The following MAN1A2 variants were observed in gnomAD, a reference collection of about 807,000 sequenced individuals.
The protein encoded by MAN1A2 is mannosidase alpha class 1A member 2.
MAN1A2 carries 26 observed loss-of-function variants against 75.7 expected under a neutral mutation model. The observed-to-expected ratio is 0.34, with a 90% CI of 0.25 to 0.48. MAN1A2 has a LOEUF of 0.48. Among genes scored for constraint, MAN1A2 ranks in the 20% least tolerant of loss-of-function variants. The probability of loss-of-function intolerance (pLI) is 0.99; values close to 1 mark genes in which losing one functional copy is unlikely to be tolerated. For synonymous variants in MAN1A2, 247 were observed against 264.6 expected (o/e 0.93, Z 0.65); for missense variants, 562 against 775.5 (o/e 0.72, Z 3.27).
chr1:117,429,833 G>T (rs1332621943), intron 5 of MAN1A2, among the ~76,000 whole-genome samples: 40 of 51,852 alleles, frequency 7.7e-4, no homozygotes, highest in African/African-American at 1.3e-3. Flanking sequence ...CCCTCCCGGA[G>T]GGGGCGGCTG....
chr1:117,458,512 G>GATAT (rs1553236631), intron 6 of MAN1A2, among the ~76,000 whole-genome samples: 42 of 105,202 alleles, frequency 4.0e-4, no homozygotes, highest in South Asian at 1.2e-3. Context: ...TATATATATA[G>GATAT]ATATATATAT....
chr1:117,372,812 G>C (rs1381596250), intron 1 of MAN1A2, among the ~76,000 whole-genome samples: 2 of 147,626 alleles, frequency 1.4e-5, no homozygotes, highest in Non-Finnish European at 3.0e-5. Context: ...GGCTTTGTGA[G>C]TTAAAAAAAA....
intron 5 of MAN1A2, among the ~76,000 whole-genome samples, chr1:117,424,162 A>G (rs1198285803): frequency 6.6e-6 from 1 of 152,158 alleles, no homozygotes; most frequent in Non-Finnish European, 1.5e-5. Flanking sequence ...ATTTTTCTGT[A>G]TAGAGAATGG....
At chr1:117,425,370 A>T (rs1299200521) in intron 5 of MAN1A2, among the ~76,000 whole-genome samples, 3 of 152,230 alleles carry the variant, frequency 2.0e-5, no homozygotes, top group Admixed American at 6.5e-5. Flanking sequence ...CATTAATCCT[A>T]TGTGACACAC....
intron 1 of MAN1A2, among the ~76,000 whole-genome samples, chr1:117,390,830 T>C (rs973985739): frequency 2.0e-5 from 3 of 152,140 alleles, no homozygotes; most frequent in East Asian, 3.8e-4. Context: ...AGAAGTACTT[T>C]AGCTTTATCT....
rs1248509481 is a variant in MAN1A2, at chr1:117,517,180, G to A, written c.1794-5645G>A. Among the ~76,000 whole-genome samples the A allele has an allele frequency of 3.3e-5, 5 of 152,224 alleles. No individual in the cohort carries two copies. The East Asian group carries it at 9.7e-4, about 29-fold the overall frequency. ...TGAAAGGATCAGACTGTTTCTAAGT[G>A]ATCTAACTACATCCCTGAACAAAAC... is the stretch of plus-strand genomic sequence containing the variant. On this transcript the variant is annotated intron_variant, in intron 12 of 12. Transcript: ENST00000356554.
chr1:117,511,829 C>A (rs1394139628), intron 12 of MAN1A2, among the ~76,000 whole-genome samples: 2 of 152,080 alleles, frequency 1.3e-5, no homozygotes, highest in Non-Finnish European at 2.9e-5. Flanking sequence ...ACATAATTTT[C>A]TTAAGCATTC....
chr1:117,405,484 G>T (rs1647585091), intron 2 of MAN1A2, 65 bp from the exon 3 acceptor site: 1 of 970,984 alleles, frequency 1.0e-6, no homozygotes, highest in South Asian at 1.3e-5. Flanking sequence ...ACCCAAAATT[G>T]TATGAAATAA....
chr1:117,454,196 A>C (rs978826806), intron 6 of MAN1A2, among the ~76,000 whole-genome samples: 2 of 152,202 alleles, frequency 1.3e-5, no homozygotes, highest in African/African-American at 4.8e-5. Context: ...GGTAGTCTGT[A>C]ACCAGGCCCA....
intron 5 of MAN1A2, 81 bp downstream of exon 5, chr1:117,420,730 A>G (rs917772113): frequency 1.6e-4 from 164 of 1,029,616 alleles, no homozygotes; most frequent in South Asian, 2.8e-4. Context: ...CCCTAGAAGC[A>G]TATTAGTTTT....
Position 117,525,589 on chromosome 1 carries a change from C to A in MAN1A2, c.*2632C>A, listed in dbSNP as rs1051966073. On this transcript the variant is annotated 3_prime_UTR_variant, in exon 13 of 13. Transcript: ENST00000356554. ...CAGGTGCCTCTTCAAAGAGCTGACACCTTACCTTGTGCCTTTGGCACAAAT... is the reference window on the plus strand; with the variant it reads ...CAGGTGCCTCTTCAAAGAGCTGACAACTTACCTTGTGCCTTTGGCACAAAT... The A allele has an allele frequency of 1.3e-5, 2 of 154,534 alleles. No individual in the cohort carries two copies. The highest frequency in any genetic ancestry group is 2.9e-5 in the Non-Finnish European group (2 of 69,428). 9.6% of individuals were successfully genotyped at this position (154,534 alleles called of 1,614,324 possible).
intron 1 of MAN1A2, among the ~76,000 whole-genome samples, chr1:117,374,361 A>G (rs1470749805): frequency 1.3e-5 from 2 of 152,200 alleles, no homozygotes; most frequent in Non-Finnish European, 2.9e-5. Context: ...TCATATTGCT[A>G]CTTTTATTTT....
intron 3 of MAN1A2, 22 bp from the exon 4 acceptor site, chr1:117,414,691 A>T (rs777071066): frequency 1.1e-5 from 14 of 1,287,916 alleles, no homozygotes; most frequent in Middle Eastern, 1.9e-4. Context: ...TTTAATGATA[A>T]TTTTTTTCTT....
intron 6 of MAN1A2, among the ~76,000 whole-genome samples, chr1:117,459,548 C>G (rs1298934034): frequency 1.3e-5 from 2 of 152,114 alleles, no homozygotes; most frequent in Non-Finnish European, 2.9e-5. Context: ...ACAATGTAAT[C>G]TGCATTTACT....
chr1:117,399,209 C>G (rs1435587483), intron 1 of MAN1A2, among the ~76,000 whole-genome samples: 7 of 152,054 alleles, frequency 4.6e-5, no homozygotes, highest in Non-Finnish European at 1.0e-4. Flanking sequence ...AGGGTGGACT[C>G]TAGAAAATGG....
intron 8 of MAN1A2, among the ~76,000 whole-genome samples, chr1:117,489,780 GTTTT>G (rs1650823921): frequency 1.3e-5 from 2 of 152,022 alleles, no homozygotes; most frequent in Admixed American, 6.6e-5. Context: ...CCACAAGTGT[GTTTT>G]GTGAGCTAAA....
chr1:117,399,862 T>C (rs1647359743), intron 1 of MAN1A2, among the ~76,000 whole-genome samples: 1 of 152,172 alleles, frequency 6.6e-6, no homozygotes, highest in Non-Finnish European at 1.5e-5. Flanking sequence ...GTTCCCTTTT[T>C]TCTCTCTGGT....
intron 6 of MAN1A2, among the ~76,000 whole-genome samples, chr1:117,449,426 G>T (rs938406647): frequency 2.6e-5 from 4 of 152,020 alleles, no homozygotes; most frequent in Non-Finnish European, 4.4e-5. Context: ...GAGCATGGTG[G>T]TGTGTGCCTG....
intron 6 of MAN1A2, among the ~76,000 whole-genome samples, chr1:117,448,634 A>G (rs574607434): frequency 6.6e-6 from 1 of 152,342 alleles, no homozygotes; most frequent in African/African-American, 2.4e-5. Flanking sequence ...GTGAGCTTGA[A>G]GACAAAACAA....
Sources: gnomAD v4.1 joint callset for allele counts (sites outside exome capture counted in the v4.1 genomes callset) on GRCh38, gnomAD v4.1.1 for gene constraint, MANE v1.5 for transcripts, NCBI Gene and HGNC (gene_info 2026-07-23, HGNC 2026-07-21) for gene names.